The following GSPT1 variants were observed in gnomAD, a reference collection of about 807,000 sequenced individuals.
GSPT1 encodes the protein G1 to S phase transition 1, also known as eukaryotic peptide chain release factor GTP-binding subunit ERF3A.
GSPT1 carries 20 observed loss-of-function variants against 72.5 expected under a neutral mutation model. The ratio of observed to expected loss-of-function variants is 0.28; its 90% CI spans 0.19 to 0.40. GSPT1 has a LOEUF of 0.40. Ranked by LOEUF, GSPT1 falls within the 10% of genes least tolerant of loss-of-function variation. The probability of loss-of-function intolerance (pLI) is 1.00; values close to 1 mark genes in which losing one functional copy is unlikely to be tolerated. For missense variants in GSPT1, 580 were observed against 811.9 expected (o/e 0.71, Z 3.47); for synonymous variants, 334 against 293.5 (o/e 1.14, Z -1.41).
At chr16:11,915,329 G>T in intron 1 of GSPT1, 40 bp downstream of exon 1, 2 of 1,427,156 alleles carry the variant, frequency 1.4e-6, no homozygotes, top group Non-Finnish European at 1.8e-6. Flanking sequence ...TGTGGGCTCC[G>T]GCGCCCGGCC....
intron 1 of GSPT1, chr16:11,915,026 C>T: frequency 1.6e-6 from 2 of 1,290,314 alleles, no homozygotes; most frequent in Non-Finnish European, 2.0e-6. Context: ...TCATTCTGCG[C>T]CTCGTGGCAG....
rs915668703 is a variant in GSPT1 at position 11,886,530 on chromosome 16, G to C, written c.1194C>G (p.Pro398=). The C allele has an allele frequency of 6.2e-7, 1 of 1,612,556 alleles. No homozygotes were observed. Among genetic ancestry groups the C allele is most frequent in the Admixed American group, 1.7e-5 (1 of 60,018 alleles). ...FNPKKDIHFM[P]CSGLTGANLK... Reference sequence around the variant, plus strand: ...GATTTGCTCCAGTAAGTCCTGAGCAGGGCATAAAGTGAATGTCCTTTTTGG... The same window carrying C: ...GATTTGCTCCAGTAAGTCCTGAGCACGGCATAAAGTGAATGTCCTTTTTGG... The change falls in exon 9 of 15, where the codon CCC becomes CCG. Residue 398 remains proline, a synonymous_variant. Transcript: ENST00000434724.
At chr16:11,873,832 G>A (rs1011403803) in intron 14 of GSPT1, among the ~76,000 whole-genome samples, 16 of 151,708 alleles carry the variant, frequency 1.1e-4, no homozygotes, top group African/African-American at 2.9e-4. Context: ...CAGGTGATCC[G>A]CCTGCCTCGG....
intron 1 of GSPT1, chr16:11,903,822 C>T (rs371534353): frequency 2.6e-5 from 4 of 152,252 alleles, no homozygotes; most frequent in African/African-American, 9.6e-5. Flanking sequence ...TTTATCAAGA[C>T]GAACTATTAG....
chr16:11,897,781 A>T, intron 3 of GSPT1, 59 bp downstream of exon 3: 1 of 845,820 alleles, frequency 1.2e-6, no homozygotes, highest in African/African-American at 1.7e-5. Context: ...ATGCACCTTA[A>T]ATCTTGAGAG....
intron 5 of GSPT1, among the ~76,000 whole-genome samples, chr16:11,891,653 C>A (rs192855868): frequency 3.3e-5 from 5 of 149,824 alleles, no homozygotes; most frequent in Non-Finnish European, 5.9e-5. Context: ...TGAGCCACCA[C>A]GCCTGGCCAT....
chr16:11,894,252 G>T (rs758248420), intron 5 of GSPT1, among the ~76,000 whole-genome samples: 1 of 132,476 alleles, frequency 7.5e-6, no homozygotes, highest in Non-Finnish European at 1.6e-5. Flanking sequence ...ACAGTTCAAA[G>T]AAATGGGTCT....
In GSPT1 at chr16:11,896,710, C is replaced by T. The variant is rs1412488301; in HGVS notation, c.512G>A (p.Gly171Glu). 20 of 1,607,002 alleles carry T rather than the reference C, an allele frequency of 1.2e-5. No homozygotes were observed. Among genetic ancestry groups the T allele is most frequent in the Non-Finnish European group, 1.6e-5 (19 of 1,176,638 alleles). The change falls in exon 4 of 15, where the codon GGG (glycine) becomes GAG (glutamate). Residue 171 changes from glycine (G) to glutamate (E), a missense_variant. This residue lies in a region of GSPT1 where 327 missense variants were observed against 298.8 expected (regional missense o/e 1.09). Coordinates refer to ENST00000434724, the MANE Select transcript of GSPT1 (RefSeq NM_002094.4). ...HKEEISEAEP[G>E]GGSLGDGRPP... is the part of the protein sequence containing the mutation. ...CCTTCCATCTCCCAAGGAACCACCC[C>T]CTGGCTCTGCTTCACTTATTTCTTC...
At chr16:11,876,552 G>C (rs1482087143) in intron 12 of GSPT1, among the ~76,000 whole-genome samples, 1 of 152,130 alleles carries the variant, frequency 6.6e-6, no homozygotes, top group Non-Finnish European at 1.5e-5. Flanking sequence ...GACCAGCCTG[G>C]ACAACATGGT....
At chr16:11,903,612 G>A (rs1474479924) in intron 1 of GSPT1, among the ~76,000 whole-genome samples, 4 of 152,142 alleles carry the variant, frequency 2.6e-5, no homozygotes, top group East Asian at 1.9e-4. Flanking sequence ...ACTTGAACCC[G>A]GGAGGTGGAG....
chr16:11,905,630 T>A (rs950011049), intron 1 of GSPT1, among the ~76,000 whole-genome samples: 2 of 152,098 alleles, frequency 1.3e-5, no homozygotes, highest in Non-Finnish European at 2.9e-5. Context: ...AGGTCAGGAA[T>A]TTGAGACCAG....
Position 11,884,471 on chromosome 16 carries a change from G to T in GSPT1, c.1347+710C>A, listed in dbSNP as rs116803540. On this transcript the variant is annotated intron_variant, in intron 10 of 14. Coordinates refer to ENST00000434724, the MANE Select transcript of GSPT1 (RefSeq NM_002094.4). ...ACATCAATGTTATGTTGTTAATAAA[G>T]TTTTTGGACCGGGCATGGTGGCTCA... 9.6e-3 allele frequency among the ~76,000 whole-genome samples: 1,467 copies of T among 152,248 alleles called. 28 individuals are homozygous for T. The highest frequency in any genetic ancestry group is 0.033 in the African/African-American group (1,389 of 41,562).
rs66922380 is a variant in GSPT1, at chr16:11,883,459, C to CA, written c.1348-365dup. Among the ~76,000 whole-genome samples the CA allele has an allele frequency of 2.9e-4, 19 of 66,466 alleles. 1 individual carries two copies. Among genetic ancestry groups the CA allele is most frequent in the East Asian group, 5.0e-4 (1 of 2,006 alleles). The allele number at this position is 66,466 out of a possible 152,430, so 43.6% of individuals were successfully genotyped here. A position where few individuals can be genotyped will look rare whatever the true frequency, so the allele number is the denominator to read the frequency against. ...CGAAACCCCATCTCTACTAAAAATA[C>CA]AAAAAAAAAAAAAATTGCCAGGCAC... On this transcript the variant is annotated intron_variant, in intron 10 of 14. Coordinates refer to ENST00000434724, the MANE Select transcript of GSPT1 (RefSeq NM_002094.4).
chr16:11,883,459 C>CAAAAAAAAAAAAAAAAA (rs66922380), intron 10 of GSPT1, among the ~76,000 whole-genome samples: 6 of 66,458 alleles, frequency 9.0e-5, no homozygotes, highest in Non-Finnish European at 8.1e-5. Flanking sequence ...ACTAAAAATA[C>CAAAAAAAAAAAAAAAAA]AAAAAAAAAA....
At position 11,877,422 on chromosome 16, in the gene GSPT1, G is replaced by A. The variant is rs1195928998; in HGVS notation, c.1587C>T (p.Arg529=). The A allele has an allele frequency of 6.3e-7, 1 of 1,583,408 alleles. No individual in the cohort carries two copies. The highest frequency in any genetic ancestry group is 1.9e-5 in the Admixed American group (1 of 52,312). ...ATTTGTTTACCTGGGCATCAAATGT[G>A]CGTCCAGAATGACAAAGATTATTAG... ...CDPNNLCHSG[R]TFDAQIVIIE... Residue 529 remains arginine (R), a synonymous_variant, in exon 12 of 15, where the codon CGC becomes CGT. Transcript: ENST00000434724. The surrounding 1 kb of genome is among the most constrained non-coding windows in gnomAD (Gnocchi z 4.0).
chr16:11,904,310 C>T (rs59403008), intron 1 of GSPT1, among the ~76,000 whole-genome samples: 5,689 of 152,178 alleles, frequency 0.037, 365 homozygotes, highest in African/African-American at 0.13. Context: ...TCAAGCGATT[C>T]CCCTGCCTCA....
intron 1 of GSPT1, 117 bp downstream of exon 1, chr16:11,915,252 A>C: frequency 8.5e-7 from 1 of 1,169,928 alleles, no homozygotes; most frequent in Non-Finnish European, 1.1e-6. Flanking sequence ...AGACGGCGCC[A>C]CTGTCAGCGC....
intron 11 of GSPT1, among the ~76,000 whole-genome samples, chr16:11,879,101 A>G (rs2054086334): frequency 8.6e-5 from 1 of 11,620 alleles, no homozygotes; most frequent in Non-Finnish European, 2.3e-4. Flanking sequence ...TAATAATAAT[A>G]ATAATAAAAA....
chr16:11,898,600 T>G (rs1414473712), intron 1 of GSPT1, among the ~76,000 whole-genome samples: 2 of 152,162 alleles, frequency 1.3e-5, no homozygotes, highest in East Asian at 1.9e-4. Context: ...CACAGGTGCA[T>G]GCCACCATGC....
Sources: gnomAD v4.1 joint callset for allele counts (sites outside exome capture counted in the v4.1 genomes callset) on GRCh38, gnomAD v4.1.1 for gene constraint, gnomAD v4.1.1 regional missense constraint, Gnocchi (gnomAD v3.1) non-coding constraint, MANE v1.5 for transcripts, NCBI Gene and HGNC (gene_info 2026-07-23, HGNC 2026-07-21) for gene names.